Variants in CDH11 observed in about 807,000 individuals in gnomAD.
CDH11 encodes cadherin 11.
Under a neutral mutation model 67.8 loss-of-function variants are expected in CDH11, and 11 were observed. The ratio of observed to expected loss-of-function variants is 0.16; its 90% CI spans 0.10 to 0.27. The LOEUF (loss-of-function observed/expected upper bound fraction) is 0.27. Among genes scored for constraint, CDH11 ranks in the 10% least tolerant of loss-of-function variants. The probability of loss-of-function intolerance (pLI) is 1.00; values close to 1 mark genes in which losing one functional copy is unlikely to be tolerated. For synonymous variants in CDH11, 419 were observed against 400.0 expected (o/e 1.05, Z -0.57); for missense variants, 847 against 1,031.2 (o/e 0.82, Z 2.45).
At chr16:65,073,182 A>G (rs573966948) in intron 1 of CDH11, among the ~76,000 whole-genome samples, 2 of 152,346 alleles carry the variant, frequency 1.3e-5, no homozygotes, top group East Asian at 3.9e-4. Context: ...ATTTAGAGAA[A>G]ACAAGAAACC....
intron 3 of CDH11, among the ~76,000 whole-genome samples, chr16:65,001,046 G>A (rs944948179): frequency 1.3e-5 from 2 of 151,928 alleles, no homozygotes; most frequent in African/African-American, 4.8e-5. Flanking sequence ...ATAAAGCAAG[G>A]TTGAATACAT....
chr16:65,048,270 G>C (rs1158315313), intron 2 of CDH11, among the ~76,000 whole-genome samples: 1 of 152,166 alleles, frequency 6.6e-6, no homozygotes, highest in African/African-American at 2.4e-5. Context: ...TGTGAAGAAA[G>C]AGGAATGTGT....
chr16:65,041,098 C>T (rs555167253), intron 2 of CDH11, among the ~76,000 whole-genome samples: 6 of 152,212 alleles, frequency 3.9e-5, no homozygotes, highest in Non-Finnish European at 8.8e-5. Context: ...AACTTACAGC[C>T]AGCGCCAAAG....
chr16:64,970,548 CAG>C (rs2071977252), intron 11 of CDH11, among the ~76,000 whole-genome samples: 1 of 152,096 alleles, frequency 6.6e-6, no homozygotes, highest in Non-Finnish European at 1.5e-5. Flanking sequence ...ATTAAGTGGA[CAG>C]AGTGTGGAAA....
intron 1 of CDH11, among the ~76,000 whole-genome samples, chr16:65,068,506 T>C (rs908432177): frequency 6.0e-5 from 9 of 150,760 alleles, no homozygotes. Context: ...TAAAGAAGAC[T>C]CTCTCCCGTG....
rs567316361 is a variant in CDH11 at position 65,036,979 on chromosome 16, G to A, written c.-173+16825C>T. Among the ~76,000 whole-genome samples, 110 of 152,254 alleles carry A rather than the reference G, an allele frequency of 7.2e-4. 1 individual carries two copies. Among genetic ancestry groups the A allele is most frequent in the Non-Finnish European group, 1.3e-3 (88 of 68,020 alleles). On this transcript the variant is annotated intron_variant, in intron 2 of 12. Coordinates refer to ENST00000268603, the MANE Select transcript of CDH11 (RefSeq NM_001797.4). ...ATGCAAGAACTTTCGATGAGAAAGGGAACACTGAAACTAAACATATACTCT... is the reference window on the plus strand; with the variant it reads ...ATGCAAGAACTTTCGATGAGAAAGGAAACACTGAAACTAAACATATACTCT...
chr16:64,974,646 G>A (rs2142435451), intron 8 of CDH11, among the ~76,000 whole-genome samples: 1 of 152,254 alleles, frequency 6.6e-6, no homozygotes, highest in Admixed American at 6.5e-5. Flanking sequence ...CTTGCACAGT[G>A]ACAAAACCAA....
In CDH11 at chr16:64,950,952, A is replaced by C; in HGVS notation, c.1709T>G (p.Leu570Arg). The change falls in exon 12 of 13, where the codon CTG (leucine) becomes CGG (arginine). Residue 570 changes from leucine (L) to arginine (R), a missense_variant. Leu to Arg is a moderately radical substitution (Grantham distance 102). Transcript: ENST00000268603. ...GCCGCCATCGCTGATCACTATGGGCAGAAGGTACAAGTCCTGCTTCTGCCG... is the reference window on the plus strand; with the variant it reads ...GCCGCCATCGCTGATCACTATGGGCCGAAGGTACAAGTCCTGCTTCTGCCG... ...FSRQKQDLYL[L>R]PIVISDGGIP... 1 of 1,614,188 alleles carries C rather than the reference A, an allele frequency of 6.2e-7. No homozygotes were observed.
In CDH11 at chr16:64,947,702, A is replaced by C; in HGVS notation, c.2292T>G (p.Asp764Glu). 3 of 1,614,112 alleles carry C rather than the reference A, an allele frequency of 1.9e-6. No individual in the cohort carries two copies. In the South Asian group the frequency reaches 3.3e-5, roughly 18 times the overall value. The change falls in exon 13 of 13, where the codon GAT becomes GAG. Residue 764 changes from aspartate (D) to glutamate (E), a missense_variant. This residue lies in a region of CDH11 where 612 missense variants were observed against 678.7 expected (regional missense o/e 0.90). Transcript: ENST00000268603. The part of the protein sequence containing the change: ...SLSSLESATT[D>E]SDLDYDYLQN... ...GTAGATAATCATAGTCCAAGTCTGAATCTGTGGTGGCCGACTCTAGGGAGC... is the reference window on the plus strand; with the variant it reads ...GTAGATAATCATAGTCCAAGTCTGACTCTGTGGTGGCCGACTCTAGGGAGC...
chr16:65,028,176 T>TG (rs1332925791), intron 2 of CDH11, among the ~76,000 whole-genome samples: 2 of 152,190 alleles, frequency 1.3e-5, no homozygotes, highest in Non-Finnish European at 2.9e-5. Flanking sequence ...GGAAACCCAC[T>TG]GTCTGGGCCT....
intron 2 of CDH11, among the ~76,000 whole-genome samples, chr16:65,012,895 A>G (rs2073212123): frequency 1.3e-5 from 2 of 152,222 alleles, no homozygotes; most frequent in Admixed American, 1.3e-4. Flanking sequence ...TTCTAAGAAG[A>G]CTGAGACAAG....
chr16:64,974,441 C>T (rs2072106319), intron 8 of CDH11, among the ~76,000 whole-genome samples: 1 of 152,112 alleles, frequency 6.6e-6, no homozygotes, highest in African/African-American at 2.4e-5. Context: ...CCTGGATTTA[C>T]AAAAGATGAA....
chr16:64,984,123 A>G (rs1362767789), intron 7 of CDH11, among the ~76,000 whole-genome samples: 1 of 152,180 alleles, frequency 6.6e-6, no homozygotes, highest in Non-Finnish European at 1.5e-5. Context: ...TCTGGTAGTC[A>G]GTTCAAGCCT....
At chr16:65,067,147 G>A (rs750104888) in intron 1 of CDH11, among the ~76,000 whole-genome samples, 1 of 151,108 alleles carries the variant, frequency 6.6e-6, no homozygotes, top group African/African-American at 2.4e-5. Flanking sequence ...AGAGGTTAGG[G>A]TAAGAATTTT....
chr16:65,104,950 T>G (rs187900903), intron 1 of CDH11, among the ~76,000 whole-genome samples: 3 of 152,284 alleles, frequency 2.0e-5, no homozygotes, highest in African/African-American at 7.2e-5. Context: ...CATTCAAAAG[T>G]TAATTTACGA....
At chr16:64,987,821 A>G (rs1019985292) in intron 7 of CDH11, 13 of 192,856 alleles carry the variant, frequency 6.7e-5, no homozygotes, top group Non-Finnish European at 5.3e-5. Flanking sequence ...TAAGGGGGGA[A>G]TTCCATGCAT....
Position 64,951,006 on chromosome 16 carries a change from C to A in CDH11, c.1655G>T (p.Gly552Val). The change falls in exon 12 of 13, where the codon GGC (glycine) becomes GTC (valine). Residue 552 changes from glycine to valine, a missense_variant. Gly to Val is a moderately radical substitution (Grantham distance 109, BLOSUM62 -3). Around this residue, in one of 2 missense-constraint regions of CDH11, gnomAD observed 612 missense variants for 678.7 expected, o/e 0.90. Coordinates refer to ENST00000268603, the MANE Select transcript of CDH11 (RefSeq NM_001797.4). ...TVRDNRDNTA[G>V]VYARRGGFSR... ...GAACCCTCCACGCCGGGCGTACACG[C>A]CTGCTGTGTTATCTGCAGAAAGAGG... 6.2e-7 allele frequency: 1 copy of A among 1,613,334 alleles called. No individual in the cohort carries two copies.
Position 65,053,849 on chromosome 16 carries a change from C to T in CDH11, c.-218G>A, listed in dbSNP as rs1468715867. 1 of 456,036 alleles carries T rather than the reference C, an allele frequency of 2.2e-6. No individual in the cohort carries two copies. Among genetic ancestry groups the T allele is most frequent in the South Asian group, 1.5e-5 (1 of 64,556 alleles). 28.2% of individuals were successfully genotyped at this position (456,036 alleles called of 1,614,324 possible). A position where few individuals can be genotyped will look rare whatever the true frequency, so the allele number is the denominator to read the frequency against. On this transcript the variant is annotated 5_prime_UTR_variant, in exon 2 of 13. Coordinates refer to ENST00000268603, the MANE Select transcript of CDH11 (RefSeq NM_001797.4). ...TTGCTGCCAATTTCTGTAACACACT[C>T]CACCCATCTGATTGGTCACTCAACA...
chr16:65,014,641 G>A (rs1354796975), intron 2 of CDH11, among the ~76,000 whole-genome samples: 1 of 152,016 alleles, frequency 6.6e-6, no homozygotes, highest in Admixed American at 6.6e-5. Context: ...AATAGTTCAG[G>A]TGAGAGGTAA....
Sources: gnomAD v4.1 joint callset for allele counts (sites outside exome capture counted in the v4.1 genomes callset) on GRCh38, gnomAD v4.1.1 for gene constraint, gnomAD v4.1.1 regional missense constraint, MANE v1.5 for transcripts, NCBI Gene and HGNC (gene_info 2026-07-23, HGNC 2026-07-21) for gene names.